TEKTIP1: variants seen among roughly 807,000 people sequenced by gnomAD.
TEKTIP1 encodes tektin bundle-interacting protein 1.
At chr19:3,543,751 C>G in the TEKTIP1 span, 2 of 1,491,140 alleles carry the variant, frequency 1.3e-6, no homozygotes, top group Non-Finnish European at 1.8e-6. Context: ...GGTGAAACTG[C>G]CCGGGGCGAT....
chr19:3,543,125 C>T, the TEKTIP1 span: 10 of 1,514,716 alleles, frequency 6.6e-6, no homozygotes, highest in Non-Finnish European at 7.9e-6. Context: ...GGAGGGAGAC[C>T]CCACGCCGTG....
chr19:3,542,785 T>A, the TEKTIP1 span: 1 of 1,368,196 alleles, frequency 7.3e-7, no homozygotes, highest in Non-Finnish European at 9.8e-7. Flanking sequence ...CCTGGCCTAG[T>A]GGGTCCCCCA....
the TEKTIP1 span, chr19:3,539,721 G>A: frequency 3.6e-5 from 6 of 165,630 alleles, no homozygotes; most frequent in Non-Finnish European, 6.5e-5. Flanking sequence ...TTATAAGGGT[G>A]CCAGGCACTG....
chr19:3,540,266 T>TG, the TEKTIP1 span, among the ~76,000 whole-genome samples: 6 of 118,100 alleles, frequency 5.1e-5, no homozygotes, highest in African/African-American at 3.5e-4. Flanking sequence ...CTAATTTTTG[T>TG]TTTTTTTTTT....
At chr19:3,543,167 A>G in the TEKTIP1 span, 1 of 1,519,560 alleles carries the variant, frequency 6.6e-7, no homozygotes, top group African/African-American at 1.4e-5. Context: ...ACCCTGGCAG[A>G]CATCGCAAAG....
the TEKTIP1 span, chr19:3,541,780 G>T: frequency 1.0e-6 from 1 of 985,112 alleles, no homozygotes; most frequent in East Asian, 1.1e-4. Context: ...CAGGGGTGAG[G>T]GGCTCATTTC....
At chr19:3,543,552 C>G in the TEKTIP1 span, 1 of 1,513,030 alleles carries the variant, frequency 6.6e-7, no homozygotes, top group South Asian at 1.3e-5. Context: ...CGCCCCACCG[C>G]AGCCTACACC....
chr19:3,542,271 T>C, the TEKTIP1 span: 2 of 985,410 alleles, frequency 2.0e-6, no homozygotes, highest in South Asian at 9.4e-5. Context: ...GCTACTCCCA[T>C]GTTCTGTGGG....
chr19:3,544,029 C>T, the TEKTIP1 span: 1,134 of 1,518,278 alleles, frequency 7.5e-4, 9 homozygotes, highest in African/African-American at 0.014. Flanking sequence ...TACCAGGATG[C>T]ACCCACTGTC....
the TEKTIP1 span, among the ~76,000 whole-genome samples, chr19:3,540,470 A>G: frequency 7.4e-5 from 11 of 149,444 alleles, no homozygotes; most frequent in South Asian, 6.7e-4. Context: ...GTTGGCCAGG[A>G]TGGTCTCGAT....
At chr19:3,539,381 C>T in the TEKTIP1 span, 1 of 653,642 alleles carries the variant, frequency 1.5e-6, no homozygotes, top group Non-Finnish European at 2.7e-6. Context: ...CTAAAAGGCT[C>T]ATGTGTGTGA....
chr19:3,543,235 C>G, the TEKTIP1 span: 4 of 1,542,378 alleles, frequency 2.6e-6, no homozygotes, highest in African/African-American at 4.1e-5. Context: ...CCACCCTCAG[C>G]GATGACTACC....
the TEKTIP1 span, chr19:3,542,591 A>G: frequency 1.3e-6 from 1 of 753,202 alleles, no homozygotes; most frequent in Non-Finnish European, 1.6e-6. Flanking sequence ...CTCCTGCCTC[A>G]GCCTCCTGAG....
At chr19:3,543,758 C>A in the TEKTIP1 span, 1 of 1,489,668 alleles carries the variant, frequency 6.7e-7, no homozygotes, top group Non-Finnish European at 9.0e-7. Flanking sequence ...CTGCCCGGGG[C>A]GATCCAGGAG....
At chr19:3,541,424 G>C in the TEKTIP1 span, among the ~76,000 whole-genome samples, 2 of 151,476 alleles carry the variant, frequency 1.3e-5, no homozygotes, top group Admixed American at 6.6e-5. Context: ...CTGGGTTCTA[G>C]CGATTCTCCT....
chr19:3,542,267 C>T, the TEKTIP1 span: 6 of 985,310 alleles, frequency 6.1e-6, no homozygotes, highest in Non-Finnish European at 7.2e-6. Flanking sequence ...CCAGGCTACT[C>T]CCATGTTCTG....
At chr19:3,543,694 C>A in the TEKTIP1 span, 4 of 1,520,364 alleles carry the variant, frequency 2.6e-6, no homozygotes, top group South Asian at 1.3e-5. Context: ...AGGCTAGGTG[C>A]AGGGTGGGTC....
At chr19:3,543,796 G>T in the TEKTIP1 span, 1 of 1,499,602 alleles carries the variant, frequency 6.7e-7, no homozygotes, top group South Asian at 1.3e-5. Flanking sequence ...GCGAGGAGGT[G>T]GGGGCACATG....
chr19:3,539,599 C>T, the TEKTIP1 span: 1 of 293,482 alleles, frequency 3.4e-6, no homozygotes, highest in African/African-American at 2.1e-5. Flanking sequence ...GAGTCTGTCC[C>T]ACACCTCTTG....
Sources: gnomAD v4.1 joint callset for allele counts (sites outside exome capture counted in the v4.1 genomes callset) on GRCh38, gnomAD v4.1.1 for gene constraint, MANE v1.5 for transcripts, NCBI Gene and HGNC (gene_info 2026-07-23, HGNC 2026-07-21) for gene names.